MEGF11: variants seen among roughly 807,000 people sequenced by gnomAD.
MEGF11 encodes multiple epidermal growth factor-like domains protein 11.
A neutral mutation model predicts 146.6 loss-of-function variants in MEGF11; 126 were observed. The ratio of observed to expected loss-of-function variants is 0.86; its 90% CI spans 0.74 to 1.00. The LOEUF (loss-of-function observed/expected upper bound fraction) is 1.00. Ranked by LOEUF, MEGF11 falls within the 50% of genes least tolerant of loss-of-function variation. The probability of loss-of-function intolerance (pLI) is 0.00; values close to 1 mark genes in which losing one functional copy is unlikely to be tolerated. For missense variants in MEGF11, 1,509 were observed against 1,521.2 expected (o/e 0.99, Z 0.13); for synonymous variants, 532 against 583.4 (o/e 0.91, Z 1.27).
chr15:66,130,436 T>G (rs2088591226), intron 1 of MEGF11, among the ~76,000 whole-genome samples: 1 of 152,132 alleles, frequency 6.6e-6, no homozygotes, highest in African/African-American at 2.4e-5. Flanking sequence ...GAGAACCTCC[T>G]GACAGCATCT....
At chr15:65,918,983 A>G (rs148184156) in intron 15 of MEGF11, among the ~76,000 whole-genome samples, 4 of 152,302 alleles carry the variant, frequency 2.6e-5, no homozygotes, top group African/African-American at 9.6e-5. Context: ...CCACAAAATA[A>G]AGTCGATCCT....
At chr15:66,084,849 G>A (rs1377138254) in intron 5 of MEGF11, among the ~76,000 whole-genome samples, 1 of 152,302 alleles carries the variant, frequency 6.6e-6, no homozygotes, top group African/African-American at 2.4e-5. Flanking sequence ...CACAAGCAAG[G>A]GAAGAACTAA....
chr15:66,114,672 A>C (rs1331676658), intron 4 of MEGF11, among the ~76,000 whole-genome samples: 1 of 152,054 alleles, frequency 6.6e-6, no homozygotes, highest in Non-Finnish European at 1.5e-5. Context: ...GCAGGCAGGC[A>C]CTTCTGCCCA....
chr15:65,995,334 C>T (rs1037659239), intron 5 of MEGF11, among the ~76,000 whole-genome samples: 1 of 152,234 alleles, frequency 6.6e-6, no homozygotes, highest in African/African-American at 2.4e-5. Context: ...ATGGTCCTCA[C>T]TGAGCATGAC....
intron 1 of MEGF11, among the ~76,000 whole-genome samples, chr15:66,141,287 T>G (rs4776747): frequency 1.0e-5 from 1 of 98,842 alleles, no homozygotes; most frequent in African/African-American, 4.0e-5. Flanking sequence ...TGTGTGTGTG[T>G]GTGAGAGAGA....
chr15:65,949,519 A>C (rs1276924647), intron 10 of MEGF11, among the ~76,000 whole-genome samples: 1 of 152,226 alleles, frequency 6.6e-6, no homozygotes, highest in Non-Finnish European at 1.5e-5. Flanking sequence ...CCTTTAAGGT[A>C]ATAGAAATGC....
chr15:66,228,712 G>A (rs760750921), intron 1 of MEGF11, among the ~76,000 whole-genome samples: 2 of 152,222 alleles, frequency 1.3e-5, no homozygotes, highest in Non-Finnish European at 2.9e-5. Flanking sequence ...TGGTTTCCAC[G>A]TGTTTCTCCA....
At chr15:66,250,547 T>C (rs921647913) in intron 1 of MEGF11, among the ~76,000 whole-genome samples, 12 of 152,238 alleles carry the variant, frequency 7.9e-5, no homozygotes, top group African/African-American at 2.9e-4. Flanking sequence ...CAGTAACTAT[T>C]TGCTGACTAC....
chr15:66,162,714 G>GTCT (rs966057943), intron 1 of MEGF11, among the ~76,000 whole-genome samples: 5 of 152,194 alleles, frequency 3.3e-5, no homozygotes, highest in African/African-American at 1.2e-4. Flanking sequence ...CTTGGTCTGG[G>GTCT]TGGGGCCACA....
chr15:66,211,675 G>T (rs1331815669), intron 1 of MEGF11, among the ~76,000 whole-genome samples: 2 of 151,704 alleles, frequency 1.3e-5, no homozygotes, highest in African/African-American at 2.4e-5. Flanking sequence ...GCCTCATTCT[G>T]ATTGGTCGGT....
Position 66,236,324 on chromosome 15 carries a change from G to A in MEGF11, c.-9+17281C>T, listed in dbSNP as rs922348958. On this transcript the variant is annotated intron_variant, in intron 1 of 25. Transcript: ENST00000395614. ...TGCTAATGAGTTTTGACTTCATCCC[G>A]AGGGCAATGGGAAACTGTTAAAGGG... is the stretch of plus-strand genomic sequence containing the variant. 7.9e-5 allele frequency among the ~76,000 whole-genome samples: 12 copies of A among 152,296 alleles called. 1 individual carries two copies. The East Asian group carries it at 1.5e-3, about 20-fold the overall frequency.
Position 66,094,480 on chromosome 15 carries a change from C to A in MEGF11, c.316G>T (p.Glu106Ter). Residue 106 changes from glutamate (E) to a stop codon, truncating the protein, a stop_gained, in exon 5 of 26, where the codon GAG becomes TAG. Transcript: ENST00000395614. LOFTEE classifies it high-confidence loss of function. ...GDFCIPLCTE[E>*]CVHGRCVSPD... ...GAAACGCAGCGGCCGTGCACACACT[C>A]CTCCGTACACAGGGCTGAGGGGACA... 6.4e-7 allele frequency: 1 copy of A among 1,560,824 alleles called. No individual in the cohort carries two copies.
At chr15:65,994,902 G>A in intron 5 of MEGF11, among the ~76,000 whole-genome samples, 1 of 152,218 alleles carries the variant, frequency 6.6e-6, no homozygotes. Context: ...CTTTGGCCTA[G>A]GTCTACTAAG....
At chr15:66,235,356 G>A (rs1020431439) in intron 1 of MEGF11, among the ~76,000 whole-genome samples, 2 of 151,982 alleles carry the variant, frequency 1.3e-5, no homozygotes, top group African/African-American at 2.4e-5. Context: ...TTTAAAATTA[G>A]CTGGGTATGG....
intron 5 of MEGF11, among the ~76,000 whole-genome samples, chr15:65,991,355 A>AT (rs1373720394): frequency 3.3e-5 from 5 of 152,140 alleles, no homozygotes; most frequent in African/African-American, 1.2e-4. Flanking sequence ...TCCAAAGAGG[A>AT]TCTGAGGTAA....
intron 1 of MEGF11, among the ~76,000 whole-genome samples, chr15:66,186,028 G>T (rs1470018952): frequency 6.6e-6 from 1 of 152,208 alleles, no homozygotes; most frequent in Non-Finnish European, 1.5e-5. Context: ...ACTGGGGAGA[G>T]GTGGGGGCAG....
At chr15:66,035,529 C>A (rs2140263366) in intron 5 of MEGF11, among the ~76,000 whole-genome samples, 1 of 152,336 alleles carries the variant, frequency 6.6e-6, no homozygotes, top group African/African-American at 2.4e-5. Context: ...TCTACTCCTC[C>A]TTCAAAGCCA....
chr15:66,035,886 G>A (rs1331609263), intron 5 of MEGF11, among the ~76,000 whole-genome samples: 1 of 152,200 alleles, frequency 6.6e-6, no homozygotes, highest in South Asian at 2.1e-4. Context: ...ATGTTTTTAA[G>A]CTTCACATCT....
chr15:66,140,172 C>A (rs974415731), intron 1 of MEGF11, among the ~76,000 whole-genome samples: 2 of 152,142 alleles, frequency 1.3e-5, no homozygotes, highest in Admixed American at 6.5e-5. Flanking sequence ...CAAGGACAGG[C>A]CTTTAGGAAC....
Sources: allele counts gnomAD v4.1 joint callset (sites outside exome capture counted in the v4.1 genomes callset), GRCh38; gene constraint gnomAD v4.1.1; transcripts MANE v1.5; gene names NCBI Gene and HGNC (gene_info 2026-07-23, HGNC 2026-07-21).